Variants in SLC12A7 observed in about 807,000 individuals in gnomAD.
SLC12A7 encodes K-Cl cotransporter 4.
Under a neutral mutation model 120.6 loss-of-function variants are expected in SLC12A7, and 100 were observed. The ratio of observed to expected loss-of-function variants is 0.83; its 90% confidence interval spans 0.71 to 0.98. SLC12A7 has a LOEUF of 0.98. Ranked by LOEUF, SLC12A7 falls within the 50% of genes least tolerant of loss-of-function variation. The pLI, the probability that SLC12A7 is intolerant of heterozygous loss-of-function variation, is 0.00. For missense variants in SLC12A7, 1,373 were observed against 1,548.1 expected (o/e 0.89, Z 1.90); for synonymous variants, 760 against 678.0 (o/e 1.12, Z -1.88).
intron 16 of SLC12A7, 125 bp downstream of exon 16, chr5:1,074,442 C>T (rs1738089956): frequency 1.2e-6 from 1 of 854,668 alleles, no homozygotes; most frequent in African/African-American, 1.7e-5. Context: ...GTGTTCACAC[C>T]CCAGACCTTG....
the SLC12A7 span, among the ~76,000 whole-genome samples, chr5:1,132,219 C>T: frequency 3.3e-5 from 5 of 152,164 alleles, no homozygotes; most frequent in South Asian, 4.1e-4. Flanking sequence ...CCTACCAGCA[C>T]GGTGGCAGTT....
chr5:1,118,046 A>G, the SLC12A7 span, among the ~76,000 whole-genome samples: 1 of 152,206 alleles, frequency 6.6e-6, no homozygotes, highest in African/African-American at 2.4e-5. Context: ...ACTGCACTCC[A>G]GCCTGGGGGA....
chr5:1,125,576 G>A, the SLC12A7 span, among the ~76,000 whole-genome samples: 1 of 152,000 alleles, frequency 6.6e-6, no homozygotes, highest in Non-Finnish European at 1.5e-5. Flanking sequence ...TGACTAATTG[G>A]ATCCCAATTA....
the SLC12A7 span, among the ~76,000 whole-genome samples, chr5:1,142,390 TCCCTTCTCCCCTTTCCCCTCTCCC>T: frequency 1.4e-5 from 1 of 73,436 alleles, no homozygotes; most frequent in African/African-American, 6.3e-5. Flanking sequence ...GTCTCCCCTC[TCCCTTCTCCCCTTTCCCCTCTCCC>T]CTCCTCACTC....
the SLC12A7 span, among the ~76,000 whole-genome samples, chr5:1,150,670 C>T: frequency 6.6e-6 from 1 of 152,248 alleles, no homozygotes; most frequent in Non-Finnish European, 1.5e-5. Context: ...ATCACTGAGT[C>T]GAGACTTCTT....
chr5:1,089,667 C>T (rs949379554), intron 3 of SLC12A7, among the ~76,000 whole-genome samples: 1 of 152,128 alleles, frequency 6.6e-6, no homozygotes, highest in African/African-American at 2.4e-5. Flanking sequence ...GAGATAACAG[C>T]AAAGGTTCAG....
At chr5:1,115,629 T>C (rs986713052), upstream of SLC12A7, among the ~76,000 whole-genome samples, 8 of 152,026 alleles carry the variant, frequency 5.3e-5, no homozygotes, top group Non-Finnish European at 1.2e-4. Flanking sequence ...GCAGGCAGAG[T>C]GTCCGTGGAG....
At position 1,064,011 on chromosome 5, in the gene SLC12A7, A is replaced by G. The variant is rs775831595; in HGVS notation, c.2608-36T>C. On this transcript the variant is annotated intron_variant, in intron 19 of 23. Coordinates refer to ENST00000264930, the MANE Select transcript of SLC12A7 (RefSeq NM_006598.3). ...GGAGGGCATGGCTGTGGGGCCTCAG[A>G]GGAGCCCGTCCCGGCCCGCAGCACG... The G allele has an allele frequency of 1.1e-5, 18 of 1,608,576 alleles. 1 individual carries two copies. The South Asian group carries it at 2.0e-4, about 18-fold the overall frequency.
chr5:1,122,765 G>A, the SLC12A7 span, among the ~76,000 whole-genome samples: 2 of 152,204 alleles, frequency 1.3e-5, no homozygotes, highest in South Asian at 2.1e-4. Flanking sequence ...TCATTTTCTC[G>A]GCTGTCGAGT....
chr5:1,136,501 C>T, the SLC12A7 span, among the ~76,000 whole-genome samples: 64 of 121,242 alleles, frequency 5.3e-4, 1 homozygote, highest in East Asian at 2.1e-3. Context: ...CGCAGGCACA[C>T]ACGTGGTCAG....
chr5:1,051,720 C>T lies in SLC12A7; in HGVS notation c.*640G>A, dbSNP rs1292388834. ...ACCACGTTCTGGAAAAGCCGAGTTC[C>T]CTTTCCAGATGGCCCTGGCCCACGC... On this transcript the variant is annotated 3_prime_UTR_variant, in exon 24 of 24. Transcript: ENST00000264930. 2 of 152,452 alleles carry T rather than the reference C, an allele frequency of 1.3e-5. No homozygotes were observed. The highest frequency in any genetic ancestry group is 2.4e-5 in the African/African-American group (1 of 41,468). The allele number at this position is 152,452 out of a possible 1,614,324, so 9.4% of individuals were successfully genotyped here. A position where few individuals can be genotyped will look rare whatever the true frequency, so the allele number is the denominator to read the frequency against.
intron 7 of SLC12A7, 96 bp downstream of exon 7, chr5:1,085,136 C>G: frequency 6.6e-7 from 1 of 1,510,260 alleles, no homozygotes; most frequent in Non-Finnish European, 8.9e-7. Flanking sequence ...TTGCGGGGAG[C>G]TCGGCGTCAA....
chr5:1,115,562 T>A (rs957314844), upstream of SLC12A7, among the ~76,000 whole-genome samples: 1 of 152,192 alleles, frequency 6.6e-6, no homozygotes, highest in Non-Finnish European at 1.5e-5. Flanking sequence ...GCTGGGAACC[T>A]GCTGTCGGGT....
At chr5:1,069,147 G>C (rs1199308906) in intron 17 of SLC12A7, among the ~76,000 whole-genome samples, 1 of 152,262 alleles carries the variant, frequency 6.6e-6, no homozygotes, top group African/African-American at 2.4e-5. Flanking sequence ...AAGGCCCAGA[G>C]CATCTCCTGT....
intron 14 of SLC12A7, chr5:1,075,795 G>T (rs1347422368): frequency 1.0e-5 from 5 of 496,902 alleles, no homozygotes; most frequent in Non-Finnish European, 1.4e-5. Context: ...TGATTCCTGG[G>T]GAGGGGAGTT....
At chr5:1,140,193 C>T in the SLC12A7 span, among the ~76,000 whole-genome samples, 1 of 152,236 alleles carries the variant, frequency 6.6e-6, no homozygotes, top group Admixed American at 6.5e-5. Context: ...CCAGCCGCTG[C>T]AGCCCCGGCC....
chr5:1,104,039 C>CT (rs1742270399), intron 1 of SLC12A7, among the ~76,000 whole-genome samples: 1 of 152,198 alleles, frequency 6.6e-6, no homozygotes, highest in African/African-American at 2.4e-5. Context: ...AGGGCGGCTC[C>CT]TGTTACAGGC....
chr5:1,112,232 G>A (rs1385906700), upstream of SLC12A7, among the ~76,000 whole-genome samples: 6 of 151,742 alleles, frequency 4.0e-5, no homozygotes, highest in African/African-American at 1.5e-4. Context: ...CGGGGCTTTC[G>A]CTGCCTGCGC....
At chr5:1,133,823 C>T in the SLC12A7 span, among the ~76,000 whole-genome samples, 1 of 152,116 alleles carries the variant, frequency 6.6e-6, no homozygotes, top group Non-Finnish European at 1.5e-5. Flanking sequence ...CCCAGTAATC[C>T]CAGGGGAGCC....
Sources: gnomAD v4.1 joint callset for allele counts (sites outside exome capture counted in the v4.1 genomes callset) on GRCh38, gnomAD v4.1.1 for gene constraint, MANE v1.5 for transcripts, NCBI Gene and HGNC (gene_info 2026-07-23, HGNC 2026-07-21) for gene names.